The following NFAT5 variants were observed in gnomAD, a reference collection of about 807,000 sequenced individuals.
NFAT5 encodes nuclear factor of activated T cells 5, also known as nuclear factor of activated T-cells 5.
A neutral mutation model predicts 166.5 loss-of-function variants in NFAT5; 31 were observed. The ratio of observed to expected loss-of-function variants is 0.19; its 90% CI spans 0.14 to 0.25. The LOEUF is 0.25. NFAT5 is among the 10% of genes least tolerant of loss of function. The pLI is 1.00. For synonymous variants in NFAT5, 612 were observed against 639.7 expected (o/e 0.96, Z 0.65); for missense variants, 1,449 against 1,821.8 (o/e 0.80, Z 3.72).
At chr16:69,667,988 C>A (rs1470747583) in intron 7 of NFAT5, among the ~76,000 whole-genome samples, 7 of 152,006 alleles carry the variant, frequency 4.6e-5, no homozygotes, top group Admixed American at 2.0e-4. Flanking sequence ...TTTTTTTAGA[C>A]AAGGTTTCAC....
chr16:69,646,893 C>T (rs2035459348), intron 3 of NFAT5, 135 bp from the exon 4 acceptor site: 1 of 777,826 alleles, frequency 1.3e-6, no homozygotes. Context: ...CATTTATATT[C>T]TAAAACATAA....
intron 2 of NFAT5, among the ~76,000 whole-genome samples, chr16:69,582,809 C>T (rs938781244): frequency 6.6e-6 from 1 of 151,506 alleles, no homozygotes; most frequent in East Asian, 1.9e-4. Flanking sequence ...AGCCTTCCAA[C>T]TTTTTTTCTT....
intron 5 of NFAT5, among the ~76,000 whole-genome samples, 191 bp downstream of exon 5, chr16:69,653,619 AGGCTGGAGTG>A (rs2035764427): frequency 1.4e-5 from 2 of 146,620 alleles, no homozygotes; most frequent in African/African-American, 2.5e-5. Flanking sequence ...TCTGTCACCC[AGGCTGGAGTG>A]CAGTGGTGTG....
intron 2 of NFAT5, among the ~76,000 whole-genome samples, chr16:69,609,813 T>G (rs1210780800): frequency 1.5e-5 from 2 of 129,970 alleles, no homozygotes; most frequent in African/African-American, 6.0e-5. Flanking sequence ...AGACCCTGTC[T>G]CTACTGAAAA....
intron 7 of NFAT5, among the ~76,000 whole-genome samples, chr16:69,668,441 C>A (rs891616752): frequency 6.6e-6 from 1 of 152,136 alleles, no homozygotes; most frequent in African/African-American, 2.4e-5. Flanking sequence ...CTTTGAATTT[C>A]TTTGCATATA....
Position 69,697,884 on chromosome 16 carries a change from A to T in NFAT5, c.*1533A>T, listed in dbSNP as rs1597583599. On this transcript the variant is annotated 3_prime_UTR_variant, in exon 15 of 15. Coordinates refer to ENST00000349945, the MANE Select transcript of NFAT5 (RefSeq NM_138713.4). ...TTTGGTATCCTTGTCCGTTTCATTTATTTTTTAAGTGTACAAAAAATAACC... is the reference window on the plus strand; with the variant it reads ...TTTGGTATCCTTGTCCGTTTCATTTTTTTTTTAAGTGTACAAAAAATAACC... 2.7e-5 allele frequency: 4 copies of T among 147,692 alleles called. No homozygotes were observed. Among genetic ancestry groups the T allele is most frequent in the Admixed American group, 2.0e-4 (3 of 14,864 alleles). 9.1% of individuals were successfully genotyped at this position (147,692 alleles called of 1,614,324 possible).
intron 2 of NFAT5, among the ~76,000 whole-genome samples, chr16:69,626,100 C>T (rs1033031628): frequency 1.3e-5 from 2 of 148,402 alleles, no homozygotes; most frequent in Non-Finnish European, 3.0e-5. Flanking sequence ...TGCATCACCA[C>T]GCCTGGCTGA....
intron 2 of NFAT5, among the ~76,000 whole-genome samples, chr16:69,615,669 C>T (rs1023954210): frequency 8.5e-5 from 13 of 152,106 alleles, no homozygotes; most frequent in African/African-American, 2.9e-4. Context: ...CCGTAGGGTT[C>T]CTTCTTCTTT....
intron 9 of NFAT5, among the ~76,000 whole-genome samples, chr16:69,672,097 T>A (rs1158218479): frequency 6.6e-6 from 1 of 152,222 alleles, no homozygotes; most frequent in African/African-American, 2.4e-5. Context: ...CAGAACTCTC[T>A]CTGGGTAAAG....
intron 3 of NFAT5, chr16:69,644,941 A>C: frequency 2.4e-6 from 1 of 418,754 alleles, no homozygotes; most frequent in Non-Finnish European, 4.8e-6. Flanking sequence ...TGCATGCTGC[A>C]TACTTGTATG....
At chr16:69,603,184 T>C (rs2033228588) in intron 2 of NFAT5, among the ~76,000 whole-genome samples, 1 of 152,186 alleles carries the variant, frequency 6.6e-6, no homozygotes, top group Admixed American at 6.5e-5. Flanking sequence ...TGACTTTTTA[T>C]TTTCCGTCTT....
At chr16:69,622,355 T>G (rs2034238275) in intron 2 of NFAT5, among the ~76,000 whole-genome samples, 1 of 152,228 alleles carries the variant, frequency 6.6e-6, no homozygotes, top group African/African-American at 2.4e-5. Flanking sequence ...CATGATAAAC[T>G]TCTGGCAGGC....
chr16:69,573,612 TC>T (rs1433990516), intron 2 of NFAT5, among the ~76,000 whole-genome samples: 1 of 152,198 alleles, frequency 6.6e-6, no homozygotes, highest in Non-Finnish European at 1.5e-5. Flanking sequence ...TGTCTTTAGA[TC>T]CATCTCTTTC....
At chr16:69,609,905 T>C (rs997280047) in intron 2 of NFAT5, among the ~76,000 whole-genome samples, 3 of 151,062 alleles carry the variant, frequency 2.0e-5, no homozygotes, top group African/African-American at 7.3e-5. Flanking sequence ...ACTTGGGACA[T>C]TGAAGTGTGA....
At chr16:69,686,715 T>A (rs1480079875) in intron 11 of NFAT5, among the ~76,000 whole-genome samples, 1 of 151,702 alleles carries the variant, frequency 6.6e-6, no homozygotes, top group Non-Finnish European at 1.5e-5. Context: ...AATACAAAAT[T>A]TAGCTGGGCA....
At position 69,699,948 on chromosome 16, in the gene NFAT5, A is replaced by T. The variant is rs1301125068; in HGVS notation, c.*3597A>T. ...TAATTCAAAGTCATATTTTGCCTCT[A>T]AGCTTGATCATGTTACCTTTATGAT... On this transcript the variant is annotated 3_prime_UTR_variant, in exon 15 of 15. Transcript: ENST00000349945. The T allele has an allele frequency of 1.3e-5, 2 of 152,004 alleles. No homozygotes were observed. Among genetic ancestry groups the T allele is most frequent in the Non-Finnish European group, 2.9e-5 (2 of 68,026 alleles). The allele number at this position is 152,004 out of a possible 1,614,324, so 9.4% of individuals were successfully genotyped here. A position where few individuals can be genotyped will look rare whatever the true frequency, so the allele number is the denominator to read the frequency against.
Position 69,697,449 on chromosome 16 carries a change from T to C in NFAT5, c.*1098T>C, listed in dbSNP as rs536018720. On this transcript the variant is annotated 3_prime_UTR_variant, in exon 15 of 15. Coordinates refer to ENST00000349945, the MANE Select transcript of NFAT5 (RefSeq NM_138713.4). Reference sequence around the variant, plus strand: ...TTTTTCCCTCTAATAGGAAACAGTATAAATTTTAATTAAAAAAAAAAGGCA... The same window carrying C: ...TTTTTCCCTCTAATAGGAAACAGTACAAATTTTAATTAAAAAAAAAAGGCA... The C allele has an allele frequency of 5.3e-5, 8 of 152,204 alleles. No individual in the cohort carries two copies. In the East Asian group the frequency reaches 9.7e-4, roughly 18 times the overall value. The allele number at this position is 152,204 out of a possible 1,614,324, so 9.4% of individuals were successfully genotyped here. A position where few individuals can be genotyped will look rare whatever the true frequency, so the allele number is the denominator to read the frequency against.
At chr16:69,606,834 A>G (rs1464624760) in intron 2 of NFAT5, among the ~76,000 whole-genome samples, 1 of 152,156 alleles carries the variant, frequency 6.6e-6, no homozygotes, top group Non-Finnish European at 1.5e-5. Flanking sequence ...AGCTTGGGTG[A>G]TAGAGGGAGA....
intron 11 of NFAT5, chr16:69,685,183 TATATATA>T (rs767148965): frequency 1.5e-4 from 20 of 131,026 alleles, no homozygotes; most frequent in Non-Finnish European, 2.5e-4. Context: ...TATATATATA[TATATATA>T]TTTTTTTTTT....
Sources: allele counts gnomAD v4.1 joint callset (sites outside exome capture counted in the v4.1 genomes callset), GRCh38; gene constraint gnomAD v4.1.1; transcripts MANE v1.5; gene names NCBI Gene and HGNC (gene_info 2026-07-23, HGNC 2026-07-21).